Variants in ANK3 observed in about 807,000 individuals in gnomAD.
ANK3 encodes the protein ankyrin 3.
ANK3 carries 57 observed loss-of-function variants against 370.9 expected under a neutral mutation model. The ratio of observed to expected loss-of-function variants is 0.15; its 90% CI spans 0.12 to 0.19. The LOEUF is 0.19. Ranked by LOEUF, ANK3 falls within the 10% of genes least tolerant of loss-of-function variation. ANK3 has a pLI of 1.00. For missense variants in ANK3, 4,439 were observed against 5,302.1 expected (o/e 0.84, Z 5.06); for synonymous variants, 1,929 against 1,946.3 (o/e 0.99, Z 0.23).
At chr10:60,492,492 G>T (rs966808421) in intron 2 of ANK3, among the ~76,000 whole-genome samples, 1 of 151,856 alleles carries the variant, frequency 6.6e-6, no homozygotes. Flanking sequence ...TGGATCACGA[G>T]GTCAGGAGAT....
chr10:60,519,968 G>C (rs930465645), intron 2 of ANK3, among the ~76,000 whole-genome samples: 2 of 152,052 alleles, frequency 1.3e-5, no homozygotes, highest in African/African-American at 4.8e-5. Flanking sequence ...CTGATCATGA[G>C]TTTCAATTTT....
chr10:60,471,954 A>C (rs533685095), intron 2 of ANK3, among the ~76,000 whole-genome samples: 2 of 152,214 alleles, frequency 1.3e-5, no homozygotes, highest in South Asian at 4.1e-4. Flanking sequence ...GATTAATAAT[A>C]ATATTAATAT....
chr10:60,402,993 A>G (rs1242340794), intron 2 of ANK3, among the ~76,000 whole-genome samples: 1 of 152,232 alleles, frequency 6.6e-6, no homozygotes, highest in African/African-American at 2.4e-5. Context: ...TGAATCACAA[A>G]TACTGGGCAT....
At chr10:60,542,940 T>C (rs146029515) in intron 2 of ANK3, among the ~76,000 whole-genome samples, 128 of 152,124 alleles carry the variant, frequency 8.4e-4, no homozygotes, top group African/African-American at 3.0e-3. Context: ...ATACCCAACA[T>C]GATTCAGCTT....
At chr10:60,554,113 G>T (rs2133237262) in intron 2 of ANK3, among the ~76,000 whole-genome samples, 1 of 152,108 alleles carries the variant, frequency 6.6e-6, no homozygotes, top group Middle Eastern at 3.4e-3. Flanking sequence ...TTGCCACCAG[G>T]GTTCAAAATA....
At chr10:60,660,540 T>G (rs1191023246) in intron 1 of ANK3, among the ~76,000 whole-genome samples, 1 of 152,080 alleles carries the variant, frequency 6.6e-6, no homozygotes, top group Non-Finnish European at 1.5e-5. Flanking sequence ...ACCTGAAAAT[T>G]TTTTCCTGAA....
At chr10:60,468,971 C>A (rs1397565252) in intron 2 of ANK3, among the ~76,000 whole-genome samples, 1 of 52,548 alleles carries the variant, frequency 1.9e-5, no homozygotes, top group East Asian at 4.5e-4. Flanking sequence ...TATATAGGAC[C>A]ACTATATATA....
At chr10:60,243,250 T>C (rs988266359) in intron 7 of ANK3, among the ~76,000 whole-genome samples, 1 of 152,226 alleles carries the variant, frequency 6.6e-6, no homozygotes, top group African/African-American at 2.4e-5. Context: ...ATAGTTGCTA[T>C]GGTTTGAATA....
intron 8 of ANK3, among the ~76,000 whole-genome samples, chr10:60,226,059 T>C (rs2097134421): frequency 7.0e-6 from 1 of 142,588 alleles, no homozygotes; most frequent in Non-Finnish European, 1.5e-5. Context: ...GTGTATATAG[T>C]ATATATTATA....
chr10:60,146,167 G>T, intron 23 of ANK3: 1 of 1,164,312 alleles, frequency 8.6e-7, no homozygotes, highest in Non-Finnish European at 1.2e-6. Flanking sequence ...AGATGTGTTT[G>T]TGTACCAGTG....
intron 2 of ANK3, among the ~76,000 whole-genome samples, chr10:60,426,280 T>G (rs1387020195): frequency 6.6e-6 from 1 of 152,036 alleles, no homozygotes; most frequent in Admixed American, 6.6e-5. Flanking sequence ...CCTTTCTCCT[T>G]GTTTTAGCAT....
At chr10:60,557,108 C>A (rs896200290) in intron 2 of ANK3, among the ~76,000 whole-genome samples, 2 of 152,162 alleles carry the variant, frequency 1.3e-5, no homozygotes, top group African/African-American at 4.8e-5. Context: ...AATTTGGGGA[C>A]CACTGTACCA....
At chr10:60,292,246 T>C (rs2041570542) in intron 1 of ANK3, among the ~76,000 whole-genome samples, 1 of 152,160 alleles carries the variant, frequency 6.6e-6, no homozygotes, top group South Asian at 2.1e-4. Context: ...CTGAAAAGTA[T>C]GTTTTGCAGG....
chr10:60,552,637 A>T (rs2077113506), intron 2 of ANK3, among the ~76,000 whole-genome samples: 1 of 152,176 alleles, frequency 6.6e-6, no homozygotes, highest in Non-Finnish European at 1.5e-5. Context: ...AGAGTCTTGG[A>T]AATTTGCTGT....
At chr10:60,530,145 T>C (rs1021357648) in intron 2 of ANK3, among the ~76,000 whole-genome samples, 2 of 152,150 alleles carry the variant, frequency 1.3e-5, no homozygotes, top group African/African-American at 4.8e-5. Context: ...GCCCAGGCAG[T>C]GGTTTCTGTT....
chr10:60,642,807 T>C lies in ANK3; in HGVS notation c.58-27583A>G, dbSNP rs372505062. On this transcript the variant is annotated intron_variant, in intron 1 of 43. Coordinates refer to the ANK3 transcript ENST00000373827. ...GATAAAATAAAATAAAGAGGCATTT[T>C]ATAATAAGGAGTTAATTTAATGAGA... 9.2e-5 allele frequency among the ~76,000 whole-genome samples: 14 copies of C among 152,174 alleles called. No homozygotes were observed. The East Asian group carries it at 1.7e-3, about 19-fold the overall frequency.
chr10:60,533,853 A>C (rs984262867), intron 2 of ANK3, among the ~76,000 whole-genome samples: 2 of 152,120 alleles, frequency 1.3e-5, no homozygotes, highest in Non-Finnish European at 2.9e-5. Flanking sequence ...TCCATTATCC[A>C]TTAGAATATC....
intron 1 of ANK3, among the ~76,000 whole-genome samples, chr10:60,287,220 C>T (rs1188421344): frequency 1.3e-5 from 2 of 152,152 alleles, no homozygotes; most frequent in East Asian, 1.9e-4. Context: ...TAAATCTCTA[C>T]AGGCCTCTTA....
chr10:60,278,787 T>C lies in ANK3; in HGVS notation c.401A>G (p.Asn134Ser). ...KVLVTNGANVNAQSQNGFTPL... is the reference protein window; with the variant it reads ...KVLVTNGANVSAQSQNGFTPL... ...TTGTAGGCTTACCTGAGATTGTGCA[T>C]TGACATTGGCTCCATTTGTAACCAA... Residue 134 changes from asparagine (N) to serine (S), a missense_variant, in exon 4 of 44, where the codon AAT becomes AGT. Transcript: ENST00000280772. The C allele has an allele frequency of 6.2e-7, 1 of 1,613,744 alleles. No homozygotes were observed. The highest frequency in any genetic ancestry group is 8.5e-7 in the Non-Finnish European group (1 of 1,179,678).
Sources: allele counts gnomAD v4.1 joint callset (sites outside exome capture counted in the v4.1 genomes callset), GRCh38; gene constraint gnomAD v4.1.1; transcripts MANE v1.5; gene names NCBI Gene and HGNC (gene_info 2026-07-23, HGNC 2026-07-21).